Variants in ARMH3 observed in about 807,000 individuals in gnomAD.
ARMH3 encodes armadillo-like helical domain-containing protein 3.
A neutral mutation model predicts 99.1 loss-of-function variants in ARMH3; 60 were observed. That is an observed-to-expected ratio of 0.61 (90% confidence interval 0.49 to 0.75). The LOEUF (loss-of-function observed/expected upper bound fraction) is 0.75. Among genes scored for constraint, ARMH3 ranks in the 30% least tolerant of loss-of-function variants. The pLI, the probability that ARMH3 is intolerant of heterozygous loss-of-function variation, is 0.00. For synonymous variants in ARMH3, 285 were observed against 292.8 expected (o/e 0.97, Z 0.27); for missense variants, 679 against 843.1 (o/e 0.81, Z 2.41).
chr10:102,034,635 CAAA>C (rs879442856), intron 2 of ARMH3, among the ~76,000 whole-genome samples: 2 of 109,850 alleles, frequency 1.8e-5, no homozygotes, highest in Admixed American at 9.7e-5. Context: ...GACTCCATCT[CAAA>C]AAAAAAAAAG....
At chr10:101,862,922 A>C (rs2066906856) in intron 24 of ARMH3, among the ~76,000 whole-genome samples, 1 of 152,116 alleles carries the variant, frequency 6.6e-6, no homozygotes, top group South Asian at 2.1e-4. Context: ...AATCCACTTA[A>C]GCCAGGCGCG....
intron 5 of ARMH3, among the ~76,000 whole-genome samples, chr10:102,026,082 C>T (rs557596509): frequency 1.3e-5 from 2 of 152,132 alleles, no homozygotes; most frequent in Admixed American, 6.6e-5. Context: ...TCCTGGTCTC[C>T]GCTTGGCAAT....
chr10:101,962,923 G>A (rs1845359962), intron 20 of ARMH3, among the ~76,000 whole-genome samples: 1 of 151,480 alleles, frequency 6.6e-6, no homozygotes, highest in African/African-American at 2.4e-5. Flanking sequence ...ACATAACAAA[G>A]TGACCAAAGG....
intron 18 of ARMH3, among the ~76,000 whole-genome samples, chr10:101,991,715 T>C (rs1397592097): frequency 6.6e-6 from 1 of 152,188 alleles, no homozygotes; most frequent in Non-Finnish European, 1.5e-5. Context: ...AAATCATGTA[T>C]CAAGTTTAGA....
intron 19 of ARMH3, among the ~76,000 whole-genome samples, chr10:101,990,084 TGAAAAGATGTACAGATC>T (rs1846712267): frequency 6.6e-6 from 1 of 152,126 alleles, no homozygotes; most frequent in African/African-American, 2.4e-5. Context: ...TTACCTCTTC[TGAAAAGATGTACAGATC>T]CAGGCCAGAA....
At position 102,029,731 on chromosome 10, in the gene ARMH3, G is replaced by A; in HGVS notation, c.321C>T (p.Leu107=). Residue 107 remains leucine, a synonymous_variant, in exon 5 of 26, where the codon CTC becomes CTT. Transcript: ENST00000370033. ...VVNALQTLCA[L]IRGVHQKNKS... is the part of the protein sequence containing the mutation. The stretch of plus-strand genomic sequence containing the variant: ...TATTCTTTTGATGGACTCCTCGAAT[G>A]AGTGCGCACAGGGTCTGCAGAAATG... 1 of 1,613,842 alleles carries A rather than the reference G, an allele frequency of 6.2e-7. No individual in the cohort carries two copies. The highest frequency in any genetic ancestry group is 1.3e-5 in the African/African-American group (1 of 75,018).
At chr10:102,051,143 G>C (rs1300402532) in intron 1 of ARMH3, among the ~76,000 whole-genome samples, 1 of 143,168 alleles carries the variant, frequency 7.0e-6, no homozygotes, top group Admixed American at 7.2e-5. Context: ...GGGCGACAGA[G>C]CAAGACTCTG....
intron 23 of ARMH3, among the ~76,000 whole-genome samples, chr10:101,922,400 T>C (rs1166359665): frequency 1.3e-5 from 2 of 152,134 alleles, no homozygotes; most frequent in Non-Finnish European, 2.9e-5. Flanking sequence ...TGCATACCAC[T>C]ATACCCAGCT....
intron 24 of ARMH3, among the ~76,000 whole-genome samples, chr10:101,867,935 T>C (rs1466314957): frequency 6.6e-6 from 1 of 151,428 alleles, no homozygotes; most frequent in Non-Finnish European, 1.5e-5. Context: ...GGTCAGGAGT[T>C]TGAGATCAGG....
intron 23 of ARMH3, among the ~76,000 whole-genome samples, chr10:101,921,626 CA>C (rs1242564673): frequency 6.6e-6 from 1 of 152,106 alleles, no homozygotes; most frequent in Non-Finnish European, 1.5e-5. Flanking sequence ...GTGGTATATA[CA>C]CATGATGGAA....
intron 22 of ARMH3, among the ~76,000 whole-genome samples, chr10:101,943,283 G>A (rs1844324879): frequency 6.6e-6 from 1 of 152,188 alleles, no homozygotes; most frequent in African/African-American, 2.4e-5. Flanking sequence ...AAGGCCGAGG[G>A]CGAAGAACCA....
intron 24 of ARMH3, among the ~76,000 whole-genome samples, chr10:101,857,248 AG>A (rs1165227111): frequency 6.6e-6 from 1 of 152,186 alleles, no homozygotes; most frequent in Non-Finnish European, 1.5e-5. Context: ...ACTTGAGGTC[AG>A]GAGTTCAAAA....
chr10:102,032,394 ATTC>A (rs1361929858), intron 4 of ARMH3, among the ~76,000 whole-genome samples: 2 of 152,078 alleles, frequency 1.3e-5, no homozygotes, highest in African/African-American at 4.8e-5. Context: ...TGAATTACAG[ATTC>A]CTTTCAAAAT....
chr10:102,007,159 CAAAAAAAA>C (rs10639768), intron 13 of ARMH3, among the ~76,000 whole-genome samples: 5 of 60,054 alleles, frequency 8.3e-5, no homozygotes, highest in East Asian at 6.5e-4. Context: ...GACTCTATCT[CAAAAAAAA>C]AAAAAAAAAA....
At chr10:101,966,584 T>A (rs1253381089) in intron 20 of ARMH3, among the ~76,000 whole-genome samples, 3 of 152,054 alleles carry the variant, frequency 2.0e-5, no homozygotes, top group Non-Finnish European at 4.4e-5. Flanking sequence ...AAGAGTTGAA[T>A]ACGATCCATC....
At chr10:102,026,733 T>C (rs1040286974) in intron 5 of ARMH3, among the ~76,000 whole-genome samples, 2 of 152,196 alleles carry the variant, frequency 1.3e-5, no homozygotes, top group African/African-American at 2.4e-5. Flanking sequence ...TTGGTCTTTA[T>C]CCTGTTAGTG....
At chr10:101,908,510 C>G (rs982557332) in intron 23 of ARMH3, among the ~76,000 whole-genome samples, 2 of 152,282 alleles carry the variant, frequency 1.3e-5, no homozygotes, top group Non-Finnish European at 2.9e-5. Flanking sequence ...GTAATACATC[C>G]TCCTTTCTCC....
In ARMH3 at chr10:101,920,690, C is replaced by G. The variant is rs117614908; in HGVS notation, c.1781+19173G>C. Among the ~76,000 whole-genome samples the G allele has an allele frequency of 0.011, 1,681 of 152,214 alleles. 69 individuals are homozygous for G. In the East Asian group the frequency reaches 0.15, roughly 14 times the overall value. On this transcript the variant is annotated intron_variant, in intron 23 of 25. Transcript: ENST00000370033. ...AGGAACTAACTACTAGATACTTGCA[C>G]AAGCAATGTTCAGAGCAGTATCATT...
chr10:102,051,583 A>AG (rs2067709268), intron 1 of ARMH3, among the ~76,000 whole-genome samples: 1 of 152,224 alleles, frequency 6.6e-6, no homozygotes, highest in Middle Eastern at 3.2e-3. Flanking sequence ...AGACTGATTA[A>AG]GGAAGCACAC....
Sources: gnomAD v4.1 joint callset for allele counts (sites outside exome capture counted in the v4.1 genomes callset) on GRCh38, gnomAD v4.1.1 for gene constraint, MANE v1.5 for transcripts, NCBI Gene and HGNC (gene_info 2026-07-23, HGNC 2026-07-21) for gene names.